Variants in SYT14 observed in about 807,000 individuals in gnomAD.
SYT14 encodes synaptotagmin-14.
SYT14 carries 32 observed loss-of-function variants against 74.2 expected under a neutral mutation model. That is an observed-to-expected ratio of 0.43 (90% CI 0.33 to 0.58). The LOEUF (loss-of-function observed/expected upper bound fraction) is 0.58. Among genes scored for constraint, SYT14 ranks in the 20% least tolerant of loss-of-function variants. SYT14 has a pLI of 0.05. For synonymous variants in SYT14, 298 were observed against 337.7 expected (o/e 0.88, Z 1.29); for missense variants, 791 against 981.8 (o/e 0.81, Z 2.60).
exon 10 of SYT14, chr1:210,165,525 T>G (rs2083446736): frequency 6.6e-6 from 1 of 152,200 alleles, no homozygotes; most frequent in South Asian, 2.1e-4. Flanking sequence ...GTGTTTTAAT[T>G]GTTACATGAC....
intron 7 of SYT14, among the ~76,000 whole-genome samples, chr1:210,148,534 A>G (rs2083092204): frequency 6.6e-6 from 1 of 151,648 alleles, no homozygotes; most frequent in Non-Finnish European, 1.5e-5. Flanking sequence ...GGACATAACC[A>G]CCAATTCAGT....
At chr1:210,058,663 T>C (rs1301207567) in intron 5 of SYT14, among the ~76,000 whole-genome samples, 1 of 152,128 alleles carries the variant, frequency 6.6e-6, no homozygotes, top group African/African-American at 2.4e-5. Flanking sequence ...GAAACCACCA[T>C]ATCAGCAAAA....
intron 5 of SYT14, among the ~76,000 whole-genome samples, chr1:210,055,746 A>G (rs2081084093): frequency 6.6e-6 from 1 of 151,946 alleles, no homozygotes; most frequent in African/African-American, 2.4e-5. Context: ...TCAAGACTAC[A>G]GTGAGCTATG....
At chr1:210,104,309 C>T (rs2082122121) in intron 7 of SYT14, among the ~76,000 whole-genome samples, 2 of 152,196 alleles carry the variant, frequency 1.3e-5, no homozygotes, top group Admixed American at 1.3e-4. Flanking sequence ...TCTTGAGAAG[C>T]TTAACCATTA....
chr1:210,022,750 A>G (rs2080329289), intron 5 of SYT14, among the ~76,000 whole-genome samples: 1 of 152,248 alleles, frequency 6.6e-6, no homozygotes, highest in Non-Finnish European at 1.5e-5. Flanking sequence ...CAGTAAATGT[A>G]GCCAATTATA....
chr1:210,148,086 C>G (rs2083078100), intron 7 of SYT14, among the ~76,000 whole-genome samples: 1 of 150,286 alleles, frequency 6.7e-6, no homozygotes, highest in African/African-American at 2.4e-5. Context: ...AATACTCACA[C>G]AAACAAAAAA....
chr1:209,998,139 A>G (rs1013714236), intron 2 of SYT14, among the ~76,000 whole-genome samples: 4 of 152,088 alleles, frequency 2.6e-5, no homozygotes, highest in Non-Finnish European at 5.9e-5. Flanking sequence ...GTTTAATTTT[A>G]TGTAGTATTT....
intron 5 of SYT14, among the ~76,000 whole-genome samples, chr1:210,084,897 G>A (rs1414716842): frequency 1.3e-5 from 2 of 152,182 alleles, no homozygotes; most frequent in Non-Finnish European, 2.9e-5. Context: ...GAAAGCATTT[G>A]TCAAACCTGC....
chr1:210,154,119 T>A (rs573298346), intron 7 of SYT14, among the ~76,000 whole-genome samples: 1 of 152,314 alleles, frequency 6.6e-6, no homozygotes, highest in South Asian at 2.1e-4. Flanking sequence ...TATTTTTGTT[T>A]TGTATGTGTA....
chr1:210,148,361 T>C (rs1051265729), intron 7 of SYT14, among the ~76,000 whole-genome samples: 14 of 151,940 alleles, frequency 9.2e-5, no homozygotes, highest in Non-Finnish European at 1.5e-4. Context: ...ACAAAAAAAT[T>C]AGCCGGGCGT....
intron 2 of SYT14, among the ~76,000 whole-genome samples, chr1:209,976,336 C>T (rs1443534790): frequency 7.1e-6 from 1 of 141,554 alleles, no homozygotes; most frequent in Non-Finnish European, 1.5e-5. Flanking sequence ...CTCTTGTGGG[C>T]ATTTAGTGCT....
exon 10 of SYT14, chr1:210,167,361 C>G (rs1006269908): frequency 2.0e-5 from 3 of 152,174 alleles, no homozygotes; most frequent in African/African-American, 7.2e-5. Flanking sequence ...GCTCTAAACT[C>G]TAGTTCCTTG....
exon 4 of SYT14, chr1:210,016,064 A>G (rs2080176345): frequency 3.2e-6 from 4 of 1,232,108 alleles, no homozygotes; most frequent in South Asian, 4.1e-5. Context: ...AGTAGACACA[A>G]TCAGTAGTGC....
At chr1:210,015,264 G>C (rs1317205634) in intron 3 of SYT14, among the ~76,000 whole-genome samples, 1 of 152,078 alleles carries the variant, frequency 6.6e-6, no homozygotes, top group African/African-American at 2.4e-5. Flanking sequence ...GTGTTCACTT[G>C]TGAGCCAATG....
At chr1:210,000,499 C>CAA (rs2079876859) in intron 2 of SYT14, among the ~76,000 whole-genome samples, 1 of 150,906 alleles carries the variant, frequency 6.6e-6, no homozygotes, top group Admixed American at 6.6e-5. Context: ...CACACACACA[C>CAA]AATCTAAGAA....
chr1:210,044,630 A>G (rs1395795204), intron 5 of SYT14, among the ~76,000 whole-genome samples: 2 of 152,224 alleles, frequency 1.3e-5, no homozygotes, highest in Non-Finnish European at 2.9e-5. Flanking sequence ...TTCTTCCAAG[A>G]ATAAAAGTAT....
chr1:210,011,211 T>C (rs2080080616), intron 2 of SYT14, among the ~76,000 whole-genome samples: 1 of 152,222 alleles, frequency 6.6e-6, no homozygotes, highest in African/African-American at 2.4e-5. Context: ...TGCCTCTTCA[T>C]ACCAGATTCT....
chr1:210,162,299 G>C (rs10436975), exon 10 of SYT14: 218 of 441,644 alleles, frequency 4.9e-4, no homozygotes, highest in Middle Eastern at 7.1e-4. Flanking sequence ...TTAAGCCTTC[G>C]ATTTTTATAA....
At chr1:210,073,350 T>A (rs891901783) in intron 5 of SYT14, among the ~76,000 whole-genome samples, 1 of 152,030 alleles carries the variant, frequency 6.6e-6, no homozygotes, top group Non-Finnish European at 1.5e-5. Flanking sequence ...CTGTATTACA[T>A]CAACATTGTG....
Sources: gnomAD v4.1 joint callset for allele counts (sites outside exome capture counted in the v4.1 genomes callset) on GRCh38, gnomAD v4.1.1 for gene constraint, MANE v1.5 for transcripts, NCBI Gene and HGNC (gene_info 2026-07-23, HGNC 2026-07-21) for gene names.